The following RAPGEF4 variants were observed in gnomAD, a reference collection of about 807,000 sequenced individuals.
RAPGEF4 encodes Rap guanine nucleotide exchange factor 4, also known as RAP guanine-nucleotide-exchange factor (GEF) 4.
A neutral mutation model predicts 147.9 loss-of-function variants in RAPGEF4; 66 were observed. That is an observed-to-expected ratio of 0.45 (90% CI 0.37 to 0.55). The LOEUF is 0.55. Ranked by LOEUF, RAPGEF4 falls within the 20% of genes least tolerant of loss-of-function variation. The pLI, the probability that RAPGEF4 is intolerant of heterozygous loss-of-function variation, is 0.00. For synonymous variants in RAPGEF4, 419 were observed against 442.7 expected, an observed-to-expected ratio of 0.95 and a Z score of 0.67; for missense variants, 1,071 against 1,257.3, an observed-to-expected ratio of 0.85 and a Z score of 2.24.
intron 4 of RAPGEF4, among the ~76,000 whole-genome samples, chr2:172,906,741 A>G (rs1007497714): frequency 1.6e-4 from 24 of 152,318 alleles, no homozygotes; most frequent in Admixed American, 1.6e-3. Flanking sequence ...GAGTGCCAGG[A>G]AGGCCCTGAC....
At chr2:172,798,811 C>T (rs114896222) in intron 3 of RAPGEF4, among the ~76,000 whole-genome samples, 223 of 152,168 alleles carry the variant, frequency 1.5e-3, no homozygotes, top group African/African-American at 5.1e-3. Flanking sequence ...TTGGAATTTG[C>T]GATGTAGTTT....
At chr2:173,036,844 C>T in intron 29 of RAPGEF4, 152 bp downstream of exon 29, 1 of 539,918 alleles carries the variant, frequency 1.9e-6, no homozygotes, top group Non-Finnish European at 3.3e-6. Flanking sequence ...AAATTGGCTA[C>T]CTATTCTATT....
chr2:172,902,118 G>A (rs529902972), intron 4 of RAPGEF4, among the ~76,000 whole-genome samples: 49 of 152,192 alleles, frequency 3.2e-4, no homozygotes, highest in African/African-American at 9.1e-4. Flanking sequence ...GGAAAACTTC[G>A]TGTGTTGAAG....
intron 29 of RAPGEF4, among the ~76,000 whole-genome samples, chr2:173,039,321 C>T (rs1231387243): frequency 4.6e-5 from 7 of 151,626 alleles, no homozygotes; most frequent in East Asian, 1.9e-4. Context: ...AAAAATTAGC[C>T]GGGTGTGGTG....
At position 173,052,423 on chromosome 2, in the gene RAPGEF4, A is replaced by G. The variant is rs551173326; in HGVS notation, c.*656A>G. The G allele has an allele frequency of 5.2e-5, 8 of 152,668 alleles. No homozygotes were observed. Among genetic ancestry groups the G allele is most frequent in the Non-Finnish European group, 1.2e-4 (8 of 68,040 alleles). The allele number at this position is 152,668 out of a possible 1,614,324, so 9.5% of individuals were successfully genotyped here. A position where few individuals can be genotyped will look rare whatever the true frequency, so the allele number is the denominator to read the frequency against. ...TTTTCAAAATTTACAAATCAGGATTATATACATAAGAATTCCACTAAGAAA... is the reference window on the plus strand; with the variant it reads ...TTTTCAAAATTTACAAATCAGGATTGTATACATAAGAATTCCACTAAGAAA... On this transcript the variant is annotated 3_prime_UTR_variant, in exon 31 of 31. Transcript: ENST00000397081.
At chr2:173,011,840 C>T (rs376308488) in intron 17 of RAPGEF4, among the ~76,000 whole-genome samples, 2 of 138,060 alleles carry the variant, frequency 1.4e-5, no homozygotes, top group African/African-American at 2.7e-5. Flanking sequence ...ACCACATTAG[C>T]AGACTCCGTC....
intron 1 of RAPGEF4, among the ~76,000 whole-genome samples, chr2:172,755,769 AATCTTC>A (rs529960699): frequency 0.011 from 1,652 of 152,310 alleles, 17 homozygotes; most frequent in South Asian, 0.036. Flanking sequence ...GGTCCCATGT[AATCTTC>A]ACCGCCAAGG....
chr2:172,820,691 A>G (rs981073143), intron 4 of RAPGEF4, among the ~76,000 whole-genome samples: 1 of 152,256 alleles, frequency 6.6e-6, no homozygotes, highest in Admixed American at 6.5e-5. Context: ...TGGTAAAAAT[A>G]AGAAAGTGCA....
chr2:172,799,564 C>T (rs941142134), intron 3 of RAPGEF4, among the ~76,000 whole-genome samples: 36 of 152,210 alleles, frequency 2.4e-4, no homozygotes, highest in African/African-American at 8.4e-4. Flanking sequence ...GCTCCTGGTA[C>T]TTCCTTTCCC....
chr2:172,881,026 A>C (rs1696559267), intron 4 of RAPGEF4, among the ~76,000 whole-genome samples: 1 of 152,212 alleles, frequency 6.6e-6, no homozygotes, highest in Non-Finnish European at 1.5e-5. Flanking sequence ...TTCCTGAAAC[A>C]ATATAATGAG....
chr2:172,866,897 G>A (rs576726212), intron 4 of RAPGEF4, among the ~76,000 whole-genome samples: 4 of 150,998 alleles, frequency 2.6e-5, no homozygotes, highest in South Asian at 2.1e-4. Context: ...AATTTGTCCC[G>A]CTAATTAAGC....
rs535525863 is a variant in RAPGEF4 at position 173,011,506 on chromosome 2, C to G, written c.1659-2958C>G. Among the ~76,000 whole-genome samples the G allele has an allele frequency of 7.2e-5, 11 of 152,226 alleles. No homozygotes were observed. The South Asian group carries it at 1.7e-3, about 23-fold the overall frequency. ...TTGACTTATTTTATGAATTGTAAAG[C>G]TCTATACACATGTTATCATAACAAG... On this transcript the variant is annotated intron_variant, in intron 17 of 30. Transcript: ENST00000397081.
chr2:172,891,438 C>A (rs1233374361), intron 4 of RAPGEF4, among the ~76,000 whole-genome samples: 2 of 152,166 alleles, frequency 1.3e-5, no homozygotes, highest in African/African-American at 2.4e-5. Context: ...AAGACATTTT[C>A]TATAGAAGCC....
chr2:173,043,252 C>T (rs571100475), intron 29 of RAPGEF4, among the ~76,000 whole-genome samples: 5 of 152,272 alleles, frequency 3.3e-5, no homozygotes, highest in African/African-American at 2.4e-5. Flanking sequence ...AGAATCAAAT[C>T]GGTAGAGGCA....
At chr2:172,840,017 C>T (rs962184106) in intron 4 of RAPGEF4, among the ~76,000 whole-genome samples, 2 of 152,070 alleles carry the variant, frequency 1.3e-5, no homozygotes, top group Admixed American at 6.6e-5. Context: ...TGCTAAAAGC[C>T]TCTTTCTCTT....
At chr2:173,036,855 C>T (rs1684084594) in intron 29 of RAPGEF4, 163 bp downstream of exon 29, 1 of 515,642 alleles carries the variant, frequency 1.9e-6, no homozygotes, top group East Asian at 2.9e-5. Flanking sequence ...CTATTCTATT[C>T]TGTCAGTTCT....
At chr2:172,955,018 G>A (rs986541672) in intron 6 of RAPGEF4, among the ~76,000 whole-genome samples, 1 of 152,202 alleles carries the variant, frequency 6.6e-6, no homozygotes, top group East Asian at 1.9e-4. Context: ...CAGATTGGAT[G>A]TGGACTTGCC....
At chr2:172,923,979 C>T (rs764837233) in intron 6 of RAPGEF4, among the ~76,000 whole-genome samples, 1 of 152,274 alleles carries the variant, frequency 6.6e-6, no homozygotes, top group East Asian at 1.9e-4. Context: ...TAAAAAAAAT[C>T]TTTGTATGTT....
chr2:172,831,898 G>T (rs1463556577), intron 4 of RAPGEF4, among the ~76,000 whole-genome samples: 1 of 152,150 alleles, frequency 6.6e-6, no homozygotes, highest in East Asian at 1.9e-4. Flanking sequence ...CATCCCTTGT[G>T]GGGTAGATGA....
Sources: allele counts gnomAD v4.1 joint callset (sites outside exome capture counted in the v4.1 genomes callset), GRCh38; gene constraint gnomAD v4.1.1; transcripts MANE v1.5; gene names NCBI Gene and HGNC (gene_info 2026-07-23, HGNC 2026-07-21).